Variants in PKIA observed in about 807,000 individuals in gnomAD.
The protein encoded by PKIA is PKI-alpha.
In PKIA, 4 loss-of-function variants were observed where a neutral mutation model predicts 7.6. The observed-to-expected ratio is 0.52, with a 90% CI of 0.26 to 1.20. The LOEUF (loss-of-function observed/expected upper bound fraction) is 1.20. Among genes scored for constraint, PKIA ranks in the 50% most tolerant of loss-of-function variants. The probability of loss-of-function intolerance (pLI) is 0.13; values close to 1 mark genes in which losing one functional copy is unlikely to be tolerated. For missense variants in PKIA, 73 were observed against 86.2 expected, an observed-to-expected ratio of 0.85 and a Z score of 0.61; for synonymous variants, 21 against 30.7, an observed-to-expected ratio of 0.68 and a Z score of 1.04.
chr8:78,537,380 C>T (rs1806556255), intron 1 of PKIA, among the ~76,000 whole-genome samples: 4 of 151,900 alleles, frequency 2.6e-5, no homozygotes, highest in Admixed American at 2.6e-4. Flanking sequence ...AATACTTGCT[C>T]TCTATTGTCT....
At chr8:78,562,148 T>C (rs546979262) in intron 1 of PKIA, among the ~76,000 whole-genome samples, 1 of 152,314 alleles carries the variant, frequency 6.6e-6, no homozygotes. Flanking sequence ...TTAGCAATTG[T>C]TGAAATCATG....
At position 78,520,178 on chromosome 8, in the gene PKIA, ACTC is replaced by A. The variant is rs564764416; in HGVS notation, c.-157+3714_-157+3716del. ...CAGAGTTATAAATCTATCTACCTAC[ACTC>A]CTCTACCAGCCAAGTTAAGTTCTCA... On this transcript the variant is annotated intron_variant, in intron 1 of 3. Coordinates refer to ENST00000396418, the MANE Select transcript of PKIA (RefSeq NM_006823.4). 1.3e-3 allele frequency among the ~76,000 whole-genome samples: 204 copies of A among 152,120 alleles called. 1 individual carries two copies. Among genetic ancestry groups the A allele is most frequent in the African/African-American group, 4.7e-3 (197 of 41,500 alleles).
chr8:78,523,086 G>T (rs914136436), intron 1 of PKIA, among the ~76,000 whole-genome samples: 2 of 151,822 alleles, frequency 1.3e-5, no homozygotes, highest in African/African-American at 2.4e-5. Flanking sequence ...GCTGGAGATT[G>T]CATTAGTTTT....
intron 2 of PKIA, among the ~76,000 whole-genome samples, chr8:78,575,562 A>T (rs1807653785): frequency 6.6e-6 from 1 of 151,998 alleles, no homozygotes; most frequent in East Asian, 1.9e-4. Flanking sequence ...TCTATTCTTA[A>T]CAATGTTTTA....
At chr8:78,592,883 A>G (rs1456992270) in intron 2 of PKIA, among the ~76,000 whole-genome samples, 1 of 152,230 alleles carries the variant, frequency 6.6e-6, no homozygotes, top group African/African-American at 2.4e-5. Flanking sequence ...AAGGATATGT[A>G]TTATCATGGC....
At chr8:78,600,488 T>C (rs1808327996) in intron 3 of PKIA, among the ~76,000 whole-genome samples, 1 of 152,100 alleles carries the variant, frequency 6.6e-6, no homozygotes, top group South Asian at 2.1e-4. Flanking sequence ...GTTCCTCATC[T>C]TGTATTTATA....
In PKIA at chr8:78,602,083, T is replaced by C. The variant is rs1391456061; in HGVS notation, c.*262T>C. ...TTGTATGGATCCTTTCACTTGATCA[T>C]ATGACGAAATGCTTATAGAGAGTAG... On this transcript the variant is annotated 3_prime_UTR_variant, in exon 4 of 4. Coordinates refer to ENST00000396418, the MANE Select transcript of PKIA (RefSeq NM_006823.4). The C allele has an allele frequency of 1.1e-5, 5 of 465,058 alleles. No homozygotes were observed. The highest frequency in any genetic ancestry group is 1.9e-5 in the Non-Finnish European group (5 of 260,418). The allele number at this position is 465,058 out of a possible 1,614,324, so 28.8% of individuals were successfully genotyped here. A position where few individuals can be genotyped will look rare whatever the true frequency, so the allele number is the denominator to read the frequency against.
intron 2 of PKIA, among the ~76,000 whole-genome samples, chr8:78,590,283 TAA>T (rs71304770): frequency 1.9e-4 from 26 of 136,900 alleles, no homozygotes; most frequent in Non-Finnish European, 1.6e-4. Context: ...GTCTGATAGT[TAA>T]AAAAAAAAAA....
At chr8:78,563,325 T>G (rs1379809866) in intron 1 of PKIA, among the ~76,000 whole-genome samples, 4 of 152,152 alleles carry the variant, frequency 2.6e-5, no homozygotes, top group African/African-American at 4.8e-5. Context: ...AATAGTGTCT[T>G]GCATCTGCCA....
At chr8:78,560,020 C>A (rs755295980) in intron 1 of PKIA, among the ~76,000 whole-genome samples, 2 of 152,086 alleles carry the variant, frequency 1.3e-5, no homozygotes, top group Non-Finnish European at 2.9e-5. Flanking sequence ...TACTTTCATG[C>A]ATATTTGATA....
chr8:78,556,723 T>C (rs1329345523), intron 1 of PKIA: 1 of 152,174 alleles, frequency 6.6e-6, no homozygotes, highest in Non-Finnish European at 1.5e-5. Flanking sequence ...ATAATTTTAC[T>C]GTGAAATTTA....
At chr8:78,563,511 G>A (rs1807333356) in intron 1 of PKIA, among the ~76,000 whole-genome samples, 1 of 152,058 alleles carries the variant, frequency 6.6e-6, no homozygotes, top group Non-Finnish European at 1.5e-5. Context: ...GATTATGAGG[G>A]TATAAAAGCA....
chr8:78,571,616 T>A (rs898530429), intron 1 of PKIA, among the ~76,000 whole-genome samples: 1 of 152,124 alleles, frequency 6.6e-6, no homozygotes, highest in African/African-American at 2.4e-5. Context: ...CTTGTAACAG[T>A]TCCCCCCAAG....
intron 1 of PKIA, among the ~76,000 whole-genome samples, chr8:78,527,772 A>T (rs1806284372): frequency 6.6e-6 from 1 of 152,050 alleles, no homozygotes; most frequent in South Asian, 2.1e-4. Context: ...CAGCTTGAAA[A>T]ATGCACCTGT....
chr8:78,590,965 T>G (rs967731791), intron 2 of PKIA, among the ~76,000 whole-genome samples: 1 of 152,182 alleles, frequency 6.6e-6, no homozygotes, highest in Middle Eastern at 3.2e-3. Context: ...AAAGTCAAAG[T>G]TGAGAAGTTA....
At chr8:78,576,810 C>T (rs1807683950) in intron 2 of PKIA, among the ~76,000 whole-genome samples, 1 of 151,826 alleles carries the variant, frequency 6.6e-6, no homozygotes, top group Admixed American at 6.6e-5. Context: ...ACCATTAGAC[C>T]CAACAATCAC....
rs763140560 is a variant in PKIA, at chr8:78,538,309, C to CA, written c.-157+21842dup. Among the ~76,000 whole-genome samples the CA allele has an allele frequency of 1.1e-4, 17 of 152,208 alleles. No homozygotes were observed. The East Asian group carries it at 2.7e-3, about 24-fold the overall frequency. On this transcript the variant is annotated intron_variant, in intron 1 of 3. Coordinates refer to ENST00000396418, the MANE Select transcript of PKIA (RefSeq NM_006823.4). ...ACAACAACCCACCTTATTTCTCTCT[C>CA]ATGGTACTACTCTTTATTGTTTTAA...
chr8:78,577,689 AC>A (rs1195752499), intron 2 of PKIA, among the ~76,000 whole-genome samples: 2 of 151,994 alleles, frequency 1.3e-5, no homozygotes, highest in African/African-American at 2.4e-5. Flanking sequence ...AACGGCACTT[AC>A]CAAAGTATCA....
chr8:78,562,853 A>G (rs1239409621), intron 1 of PKIA, among the ~76,000 whole-genome samples: 1 of 152,072 alleles, frequency 6.6e-6, no homozygotes, highest in Non-Finnish European at 1.5e-5. Context: ...GGCTTTCAAC[A>G]GAGACTGGTA....
Sources: gnomAD v4.1 joint callset for allele counts (sites outside exome capture counted in the v4.1 genomes callset) on GRCh38, gnomAD v4.1.1 for gene constraint, MANE v1.5 for transcripts, NCBI Gene and HGNC (gene_info 2026-07-23, HGNC 2026-07-21) for gene names.